Variants in CLIC4 observed in about 807,000 individuals in gnomAD.
CLIC4 encodes the protein chloride intracellular channel protein 4.
In CLIC4, 13 loss-of-function variants were observed where a neutral mutation model predicts 24.6. The ratio of observed to expected loss-of-function variants is 0.53; its 90% CI spans 0.34 to 0.84. CLIC4 has a LOEUF of 0.84. Among genes scored for constraint, CLIC4 ranks in the 40% least tolerant of loss-of-function variants. The probability of loss-of-function intolerance (pLI) is 0.01; values close to 1 mark genes in which losing one functional copy is unlikely to be tolerated. For synonymous variants in CLIC4, 104 were observed against 111.3 expected, an observed-to-expected ratio of 0.93 and a Z score of 0.41; for missense variants, 227 against 301.7, an observed-to-expected ratio of 0.75 and a Z score of 1.83.
At chr1:24,750,823 A>T (rs549579173) in intron 1 of CLIC4, among the ~76,000 whole-genome samples, 1 of 152,230 alleles carries the variant, frequency 6.6e-6, no homozygotes, top group South Asian at 2.1e-4. Context: ...TCTTAGAACA[A>T]TGTCTAGTAC....
intron 1 of CLIC4, among the ~76,000 whole-genome samples, chr1:24,768,334 C>G (rs987453301): frequency 6.6e-6 from 1 of 152,140 alleles, no homozygotes; most frequent in Non-Finnish European, 1.5e-5. Flanking sequence ...ACCTTTACAA[C>G]TGAACAGGTC....
intron 1 of CLIC4, among the ~76,000 whole-genome samples, chr1:24,750,262 G>A (rs1340026882): frequency 6.6e-6 from 1 of 152,024 alleles, no homozygotes; most frequent in East Asian, 1.9e-4. Context: ...AAACAACAAA[G>A]GCTTATAATG....
intron 1 of CLIC4, among the ~76,000 whole-genome samples, chr1:24,781,336 G>A (rs1378796460): frequency 6.6e-6 from 1 of 150,722 alleles, no homozygotes; most frequent in Non-Finnish European, 1.5e-5. Context: ...TAGAGATGGG[G>A]TTTCACCATA....
chr1:24,774,873 C>G (rs1010518517), intron 1 of CLIC4, among the ~76,000 whole-genome samples: 9 of 152,128 alleles, frequency 5.9e-5, no homozygotes, highest in African/African-American at 2.2e-4. Flanking sequence ...GAATTCAAGA[C>G]CAGCCTGGCC....
chr1:24,805,484 T>C (rs1639540757), intron 2 of CLIC4, among the ~76,000 whole-genome samples: 1 of 152,210 alleles, frequency 6.6e-6, no homozygotes, highest in African/African-American at 2.4e-5. Flanking sequence ...GTTGTTGTTA[T>C]ATGTTTATAT....
chr1:24,750,377 CT>C (rs1638759091), intron 1 of CLIC4, among the ~76,000 whole-genome samples: 1 of 151,884 alleles, frequency 6.6e-6, no homozygotes, highest in Admixed American at 6.6e-5. Context: ...TATTTGAGAC[CT>C]TTTAGCAAGG....
At chr1:24,795,930 T>C (rs1006035784) in intron 1 of CLIC4, among the ~76,000 whole-genome samples, 3 of 152,210 alleles carry the variant, frequency 2.0e-5, no homozygotes, top group African/African-American at 7.2e-5. Context: ...GTTTCCCTTT[T>C]TACTTTGCCT....
chr1:24,763,165 G>T (rs1171525044), intron 1 of CLIC4, among the ~76,000 whole-genome samples: 1 of 151,744 alleles, frequency 6.6e-6, no homozygotes, highest in Admixed American at 6.6e-5. Flanking sequence ...ATGTTTTTTT[G>T]AAGAACCAGC....
Position 24,814,142 on chromosome 1 carries a change from T to C in CLIC4, c.231T>C (p.Phe77=). Residue 77 remains phenylalanine, a synonymous_variant, in exon 3 of 6, where the codon TTT becomes TTC. Transcript: ENST00000374379. ...TGGCTCCCGGGACCCACCCACCATT[T>C]ATAACTTTCAACAGTGAAGTCAAAA... The part of the protein sequence containing the change: ...QNLAPGTHPP[F]ITFNSEVKTD... The C allele has an allele frequency of 6.2e-7, 1 of 1,614,134 alleles. No homozygotes were observed. Among genetic ancestry groups the C allele is most frequent in the South Asian group, 1.1e-5 (1 of 91,086 alleles).
intron 1 of CLIC4, among the ~76,000 whole-genome samples, chr1:24,769,682 G>T (rs1285366554): frequency 5.3e-5 from 8 of 152,078 alleles, no homozygotes; most frequent in Admixed American, 3.9e-4. Flanking sequence ...CTAACAACTA[G>T]TGAGCCTAGA....
At chr1:24,808,091 C>T (rs898720272) in intron 2 of CLIC4, among the ~76,000 whole-genome samples, 32 of 152,212 alleles carry the variant, frequency 2.1e-4, no homozygotes, top group African/African-American at 6.7e-4. Flanking sequence ...GGATTACAGG[C>T]GTGCGCCACT....
chr1:24,829,224 T>G (rs145494887), intron 4 of CLIC4, among the ~76,000 whole-genome samples: 8 of 152,230 alleles, frequency 5.3e-5, no homozygotes, highest in African/African-American at 1.9e-4. Context: ...CCAATATGTT[T>G]GGACAATTTT....
At chr1:24,758,264 A>G (rs1473468687) in intron 1 of CLIC4, among the ~76,000 whole-genome samples, 1 of 151,914 alleles carries the variant, frequency 6.6e-6, no homozygotes, top group African/African-American at 2.4e-5. Flanking sequence ...AAAATTACTT[A>G]TAACCCCTTG....
chr1:24,802,711 C>CT (rs535381018), intron 2 of CLIC4, among the ~76,000 whole-genome samples: 3,093 of 136,848 alleles, frequency 0.023, 91 homozygotes, highest in East Asian at 0.13. Flanking sequence ...TTTTCTTTTT[C>CT]TTTTTTTTTT....
intron 1 of CLIC4, among the ~76,000 whole-genome samples, chr1:24,775,955 G>A (rs764470893): frequency 1.1e-4 from 17 of 151,476 alleles, no homozygotes; most frequent in East Asian, 1.9e-4. Context: ...TGTTATGCCC[G>A]TCTTAAAAGC....
intron 2 of CLIC4, 129 bp downstream of exon 2, chr1:24,797,980 C>A: frequency 1.5e-6 from 1 of 674,292 alleles, no homozygotes; most frequent in Non-Finnish European, 2.5e-6. Context: ...GGTTTATGGA[C>A]AAACAACTTG....
chr1:24,820,053 A>T (rs1639710798), intron 3 of CLIC4, among the ~76,000 whole-genome samples: 1 of 85,162 alleles, frequency 1.2e-5, no homozygotes, highest in African/African-American at 4.0e-5. Context: ...ACTTCAAAAA[A>T]AAAAAAAAAG....
In CLIC4 at chr1:24,794,216, T is replaced by C. The variant is rs573818787; in HGVS notation, c.73-3526T>C. On this transcript the variant is annotated intron_variant, in intron 1 of 5. Coordinates refer to ENST00000374379, the MANE Select transcript of CLIC4 (RefSeq NM_013943.3). Reference sequence around the variant, plus strand: ...TTTGGGTATATACCCAGTAATGGGATTGCTGAGTCGAATGGTAGTTCTGTT... The same window carrying C: ...TTTGGGTATATACCCAGTAATGGGACTGCTGAGTCGAATGGTAGTTCTGTT... 1.3e-3 allele frequency among the ~76,000 whole-genome samples: 196 copies of C among 152,370 alleles called. 1 individual carries two copies. The highest frequency in any genetic ancestry group is 3.8e-3 in the African/African-American group (160 of 41,594).
rs1163622709 is a variant in CLIC4 at position 24,817,703 on chromosome 1, C to G, written c.308+3484C>G. Among the ~76,000 whole-genome samples, 15 of 152,182 alleles carry G rather than the reference C, an allele frequency of 9.9e-5. 1 individual carries two copies. The highest frequency in any genetic ancestry group is 3.8e-4 in the East Asian group (2 of 5,204). The stretch of plus-strand genomic sequence containing the variant: ...TGGTGGAAGAAGTCTAGCTTTCAGC[C>G]TATCTCAGCTTTTGGCCTGTCTCAG... On this transcript the variant is annotated intron_variant, in intron 3 of 5. Transcript: ENST00000374379.
Sources: allele counts gnomAD v4.1 joint callset (sites outside exome capture counted in the v4.1 genomes callset), GRCh38; gene constraint gnomAD v4.1.1; transcripts MANE v1.5; gene names NCBI Gene and HGNC (gene_info 2026-07-23, HGNC 2026-07-21).